FCHO2: variants seen among roughly 807,000 people sequenced by gnomAD.
FCHO2 encodes FCH and mu domain containing endocytic adaptor 2.
FCHO2 carries 43 observed loss-of-function variants against 114.1 expected under a neutral mutation model. The observed-to-expected ratio is 0.38, with a 90% CI of 0.30 to 0.49. FCHO2 has a LOEUF of 0.49. Among genes scored for constraint, FCHO2 ranks in the 20% least tolerant of loss-of-function variants. The pLI is 0.97. For synonymous variants in FCHO2, 293 were observed against 315.2 expected, an observed-to-expected ratio of 0.93 and a Z score of 0.75; for missense variants, 807 against 950.4, an observed-to-expected ratio of 0.85 and a Z score of 1.98.
At chr5:73,014,727 A>G (rs1441281574) in intron 6 of FCHO2, among the ~76,000 whole-genome samples, 1 of 151,960 alleles carries the variant, frequency 6.6e-6, no homozygotes, top group Non-Finnish European at 1.5e-5. Context: ...TTTTTGTAAC[A>G]TTATTCTCTT....
Position 73,017,239 on chromosome 5 carries a change from G to A in FCHO2, c.727G>A (p.Ala243Thr), listed in dbSNP as rs200779464. Residue 243 changes from alanine to threonine, a missense_variant, in exon 8 of 26, where the codon GCT (alanine) becomes ACT (threonine). Transcript: ENST00000430046. ...QVHEEFINNM[A>T]NTTVESLIQK... The stretch of plus-strand genomic sequence containing the variant: ...CCATGAAGAATTTATAAATAACATG[G>A]CTAATACTACAGTTGAAAGTTTGAT... 2.0e-4 allele frequency: 314 copies of A among 1,552,514 alleles called. No individual in the cohort carries two copies. The African/African-American group carries it at 3.9e-3, about 19-fold the overall frequency.
intron 5 of FCHO2, 119 bp downstream of exon 5, chr5:72,990,983 TA>T: frequency 8.6e-7 from 1 of 1,156,482 alleles, no homozygotes; most frequent in Non-Finnish European, 1.2e-6. Context: ...CACTGTGCCT[TA>T]CAGTCCTAGT....
At chr5:72,972,360 A>G (rs956155712) in intron 2 of FCHO2, among the ~76,000 whole-genome samples, 26 of 151,878 alleles carry the variant, frequency 1.7e-4, no homozygotes, top group African/African-American at 6.0e-4. Context: ...ATTTGTTTGT[A>G]TCCTCTTTTA....
intron 10 of FCHO2, among the ~76,000 whole-genome samples, chr5:73,038,789 A>G (rs1444410948): frequency 6.6e-6 from 1 of 152,214 alleles, no homozygotes; most frequent in Non-Finnish European, 1.5e-5. Flanking sequence ...TATGAAGGGT[A>G]TATTTTTAAG....
At chr5:73,083,784 C>T (rs1461105532) in intron 24 of FCHO2, among the ~76,000 whole-genome samples, 1 of 151,038 alleles carries the variant, frequency 6.6e-6, no homozygotes, top group African/African-American at 2.4e-5. Context: ...TCCAGCTATT[C>T]AGGGGACTTA....
chr5:73,063,697 C>T (rs1464678677), intron 17 of FCHO2, 144 bp from the exon 18 acceptor site: 3 of 697,192 alleles, frequency 4.3e-6, no homozygotes, highest in Non-Finnish European at 7.5e-6. Flanking sequence ...CCCAATATTT[C>T]AACATCTATA....
chr5:73,037,291 GAA>G, intron 10 of FCHO2, 76 bp downstream of exon 10: 1 of 1,123,894 alleles, frequency 8.9e-7, no homozygotes, highest in Non-Finnish European at 1.2e-6. Flanking sequence ...AATTTGGAAA[GAA>G]AAAAGTATTT....
intron 5 of FCHO2, among the ~76,000 whole-genome samples, chr5:72,995,690 C>G (rs1048912090): frequency 1.2e-4 from 18 of 152,062 alleles, no homozygotes; most frequent in Non-Finnish European, 2.5e-4. Context: ...GGTGCAGGAC[C>G]TCATATGAGG....
At chr5:72,985,437 C>A (rs1302770949) in intron 2 of FCHO2, among the ~76,000 whole-genome samples, 2 of 152,112 alleles carry the variant, frequency 1.3e-5, no homozygotes, top group African/African-American at 4.8e-5. Context: ...GCTGGGATTA[C>A]AGACATGAGC....
At chr5:73,077,543 T>C (rs753819198) in intron 21 of FCHO2, 50 bp downstream of exon 21, 29 of 1,535,894 alleles carry the variant, frequency 1.9e-5, no homozygotes, top group Non-Finnish European at 2.5e-5. Flanking sequence ...TAAGATTTTC[T>C]TTCCTGCTGT....
intron 2 of FCHO2, among the ~76,000 whole-genome samples, chr5:72,973,006 A>G (rs1752653240): frequency 6.6e-6 from 1 of 152,176 alleles, no homozygotes; most frequent in Non-Finnish European, 1.5e-5. Flanking sequence ...GATTACATTT[A>G]TTGATTTGCG....
intron 1 of FCHO2, among the ~76,000 whole-genome samples, chr5:72,966,291 G>A (rs1448081066): frequency 6.6e-6 from 1 of 152,206 alleles, no homozygotes; most frequent in African/African-American, 2.4e-5. Flanking sequence ...CTCTTAAAAA[G>A]TTCACCGAAG....
chr5:72,977,212 CA>C (rs1279374408), intron 2 of FCHO2, among the ~76,000 whole-genome samples: 1 of 152,166 alleles, frequency 6.6e-6, no homozygotes, highest in Non-Finnish European at 1.5e-5. Flanking sequence ...CTGTCTTCCA[CA>C]ATGGTTGAAC....
At chr5:73,055,727 A>G (rs1222413553) in intron 15 of FCHO2, among the ~76,000 whole-genome samples, 1 of 152,196 alleles carries the variant, frequency 6.6e-6, no homozygotes, top group Non-Finnish European at 1.5e-5. Context: ...CATCAGTTAA[A>G]ATTCTTAACT....
chr5:73,029,513 A>C (rs1756116415), intron 8 of FCHO2, among the ~76,000 whole-genome samples: 1 of 152,210 alleles, frequency 6.6e-6, no homozygotes, highest in Admixed American at 6.5e-5. Context: ...TTTTTCTCAT[A>C]GTTTTCAAGC....
chr5:72,958,276 C>G (rs1751664923), intron 1 of FCHO2, among the ~76,000 whole-genome samples: 1 of 151,944 alleles, frequency 6.6e-6, no homozygotes, highest in Admixed American at 6.6e-5. Flanking sequence ...AAAAATTACG[C>G]CTTTTTTCTT....
chr5:73,072,793 T>A (rs1742723347), intron 19 of FCHO2, among the ~76,000 whole-genome samples: 1 of 151,952 alleles, frequency 6.6e-6, no homozygotes, highest in African/African-American at 2.4e-5. Flanking sequence ...CGAACAGAGT[T>A]ATGGAGATGG....
intron 5 of FCHO2, among the ~76,000 whole-genome samples, chr5:72,995,297 C>G (rs1337357147): frequency 1.2e-4 from 18 of 151,282 alleles, no homozygotes. Context: ...ACTCTGTTAC[C>G]CAGGCTAGGG....
intron 1 of FCHO2, among the ~76,000 whole-genome samples, chr5:72,957,729 TC>T (rs1303732191): frequency 5.9e-5 from 9 of 152,234 alleles, no homozygotes; most frequent in African/African-American, 1.9e-4. Flanking sequence ...AAATCGTAGC[TC>T]TATGTTTAAC....
Sources: allele counts gnomAD v4.1 joint callset (sites outside exome capture counted in the v4.1 genomes callset), GRCh38; gene constraint gnomAD v4.1.1; transcripts MANE v1.5; gene names NCBI Gene and HGNC (gene_info 2026-07-23, HGNC 2026-07-21).